Variants in OR10S1 observed in about 807,000 individuals in gnomAD.
OR10S1 encodes olfactory receptor 10S1.
For missense variants in OR10S1, 415 were observed against 407.9 expected (o/e 1.02, Z -0.15); for synonymous variants, 167 against 164.1 (o/e 1.02, Z -0.13).
exon 1 of OR10S1, chr11:123,976,902 G>A (rs1250063677): frequency 6.2e-7 from 1 of 1,614,108 alleles, no homozygotes; most frequent in Non-Finnish European, 8.5e-7. Flanking sequence ...ACGTAGTACA[G>A]GAGCACCCCA....
Position 123,976,808 on chromosome 11 carries a change from GGAGTTAC to G in OR10S1, c.850_856del (p.Val284GlnfsTer15). 6.2e-7 allele frequency: 1 copy of G among 1,614,210 alleles called. No homozygotes were observed. The highest frequency in any genetic ancestry group is 8.5e-7 in the Non-Finnish European group (1 of 1,180,028). On this transcript the variant is annotated frameshift_variant, in exon 1 of 1. Coordinates refer to ENST00000641123, the Ensembl canonical transcript of OR10S1. LOFTEE classifies it low-confidence loss of function (END_TRUNC). Reference sequence around the variant, plus strand: ...AGTGTAAATGAATGGGTTGAGCATTGGAGTTACGATTGTGTAGAAGACAGCAGGGGCC... The same window carrying G: ...AGTGTAAATGAATGGGTTGAGCATTGGATTGTGTAGAAGACAGCAGGGGCC...
chr11:123,977,693 C>T (rs1258333327), exon 1 of OR10S1: 4 of 1,596,058 alleles, frequency 2.5e-6, no homozygotes, highest in Non-Finnish European at 3.4e-6. Context: ...GCTAGTCATC[C>T]CCTTTGCAAC....
chr11:123,977,607 C>T (rs867042545), exon 1 of OR10S1: 4 of 1,610,052 alleles, frequency 2.5e-6, no homozygotes, highest in Non-Finnish European at 3.4e-6. Flanking sequence ...TACCTCAAAC[C>T]CTCCAGGAAG....
At chr11:123,977,188 C>T (rs1476341540) in exon 1 of OR10S1, 10 of 1,614,076 alleles carry the variant, frequency 6.2e-6, no homozygotes, top group East Asian at 2.2e-5. Context: ...TTGCAGCGTG[C>T]GTGGCACCTA....
exon 1 of OR10S1, chr11:123,976,922 G>A (rs752828484): frequency 1.1e-5 from 18 of 1,613,900 alleles, no homozygotes; most frequent in East Asian, 4.5e-5. Flanking sequence ...AGTGAGCTGG[G>A]CAGTGCAGGG....
At chr11:123,977,429 G>A (rs1290431892) in exon 1 of OR10S1, 1 of 1,614,144 alleles carries the variant, frequency 6.2e-7, no homozygotes, top group South Asian at 1.1e-5. Context: ...CACTGTCACT[G>A]TAGACAAACA....
exon 1 of OR10S1, chr11:123,977,301 C>A (rs745562430): frequency 6.2e-7 from 1 of 1,614,170 alleles, no homozygotes; most frequent in Non-Finnish European, 8.5e-7. Flanking sequence ...TAGGCCATGA[C>A]TGTGTACAGG....
At chr11:123,976,714 T>C (rs777451723) in exon 1 of OR10S1, 11 of 1,611,312 alleles carry the variant, frequency 6.8e-6, no homozygotes, top group Non-Finnish European at 9.3e-6. Context: ...GTGGGCTGCC[T>C]GCTGTAGACT....
At chr11:123,976,833 C>T in exon 1 of OR10S1, 1 of 1,614,164 alleles carries the variant, frequency 6.2e-7, no homozygotes, top group Non-Finnish European at 8.5e-7. Context: ...TAGAAGACAG[C>T]AGGGGCCCCA....
At chr11:123,977,029 A>G (rs907396625) in exon 1 of OR10S1, 2 of 1,614,078 alleles carry the variant, frequency 1.2e-6, no homozygotes, top group South Asian at 2.2e-5. Flanking sequence ...GGCAGCCTGC[A>G]GCCACGATGC....
In OR10S1 at chr11:123,977,468, A is replaced by G; in HGVS notation, c.197T>C (p.Phe66Ser). 3 of 1,614,110 alleles carry G rather than the reference A, an allele frequency of 1.9e-6. No individual in the cohort carries two copies. The South Asian group carries it at 3.3e-5, about 18-fold the overall frequency. ...ATCCAGGAAGGAGAGGTGCCCCAGG[A>G]AGTGGTACATGGGTAAGCTGAGGTG... Residue 66 changes from phenylalanine (F) to serine (S), a missense_variant, in exon 1 of 1, where the codon TTC (phenylalanine) becomes TCC (serine). Transcript: ENST00000641123.
At chr11:123,976,912 A>G in exon 1 of OR10S1, 1 of 1,614,062 alleles carries the variant, frequency 6.2e-7, no homozygotes, top group Non-Finnish European at 8.5e-7. Flanking sequence ...GGAGCACCCC[A>G]GTGAGCTGGG....
At position 123,976,872 on chromosome 11, in the gene OR10S1, G is replaced by A. The variant is rs147044490; in HGVS notation, c.793C>T (p.Leu265=). Residue 265 remains leucine (L), a synonymous_variant, in exon 1 of 1, where the codon CTG becomes TTG. Transcript: ENST00000641123. The stretch of plus-strand genomic sequence containing the variant: ...CCTGCCTCACTGGAGCGAGGCTGCA[G>A]GTAGATACAGACAGGTGGCACGTAG... 62 of 1,614,176 alleles carry A rather than the reference G, an allele frequency of 3.8e-5. No individual in the cohort carries two copies. The Middle Eastern group carries it at 4.9e-4, about 13-fold the overall frequency.
chr11:123,976,934 G>T (rs1863724800), exon 1 of OR10S1: 1 of 1,613,978 alleles, frequency 6.2e-7, no homozygotes. Context: ...AGTGCAGGGG[G>T]AGAAGGCCCG....
exon 1 of OR10S1, chr11:123,976,663 T>C (rs1863720976): frequency 6.4e-7 from 1 of 1,551,140 alleles, no homozygotes; most frequent in East Asian, 2.3e-5. Context: ...GTTGCTTTCC[T>C]GGCAGGCAAA....
exon 1 of OR10S1, chr11:123,976,964 C>G: frequency 6.2e-7 from 1 of 1,613,906 alleles, no homozygotes; most frequent in Non-Finnish European, 8.5e-7. Context: ...CTGGGCTGTG[C>G]GGATGCGCAA....
chr11:123,976,817 AT>A lies in OR10S1; in HGVS notation c.847del (p.Ile283SerfsTer2), dbSNP rs1448221459. The A allele has an allele frequency of 6.2e-7, 1 of 1,614,052 alleles. No individual in the cohort carries two copies. The highest frequency in any genetic ancestry group is 1.3e-5 in the African/African-American group (1 of 74,918). ...GAATGGGTTGAGCATTGGAGTTACGATTGTGTAGAAGACAGCAGGGGCCCCA... is the reference window on the plus strand; with the variant it reads ...GAATGGGTTGAGCATTGGAGTTACGATGTGTAGAAGACAGCAGGGGCCCCA... On this transcript the variant is annotated frameshift_variant, in exon 1 of 1. Coordinates refer to ENST00000641123, the Ensembl canonical transcript of OR10S1. LOFTEE classifies it low-confidence loss of function (END_TRUNC).
chr11:123,976,678 G>A (rs1244349424), exon 1 of OR10S1: 1 of 1,563,680 alleles, frequency 6.4e-7, no homozygotes, highest in African/African-American at 1.4e-5. Context: ...GGCAAATTGT[G>A]AGTTTTGATA....
chr11:123,977,523 G>A, exon 1 of OR10S1: 1 of 1,613,980 alleles, frequency 6.2e-7, no homozygotes, highest in Non-Finnish European at 8.5e-7. Context: ...AGGAGGATGA[G>A]GAGATTCCCA....
Sources: gnomAD v4.1 joint callset for allele counts on GRCh38, gnomAD v4.1.1 for gene constraint, MANE v1.5 for transcripts, NCBI Gene and HGNC (gene_info 2026-07-23, HGNC 2026-07-21) for gene names.